The following ZMYND12 variants were observed in gnomAD, a reference collection of about 807,000 sequenced individuals.
The protein encoded by ZMYND12 is zinc finger MYND domain-containing protein 12.
Under a neutral mutation model 41.7 loss-of-function variants are expected in ZMYND12, and 32 were observed. The ratio of observed to expected loss-of-function variants is 0.77; its 90% CI spans 0.58 to 1.03. The LOEUF (loss-of-function observed/expected upper bound fraction) is 1.03, where lower values mean the gene tolerates loss of function less well. ZMYND12 is among the 50% of genes least tolerant of loss of function. The pLI, the probability that ZMYND12 is intolerant of heterozygous loss-of-function variation, is 0.00. For missense variants in ZMYND12, 424 were observed against 438.5 expected (o/e 0.97, Z 0.30); for synonymous variants, 148 against 164.8 (o/e 0.90, Z 0.78).
At chr1:42,454,879 C>G (rs994626679) in intron 1 of ZMYND12, among the ~76,000 whole-genome samples, 4 of 151,776 alleles carry the variant, frequency 2.6e-5, no homozygotes, top group Non-Finnish European at 5.9e-5. Context: ...AATTTTGACT[C>G]AACCTATAGT....
intron 6 of ZMYND12, 57 bp downstream of exon 6, chr1:42,435,217 C>T (rs1202835176): frequency 8.4e-6 from 11 of 1,315,912 alleles, no homozygotes; most frequent in Non-Finnish European, 1.1e-5. Context: ...GGGACAAGGT[C>T]TGTGTATTGG....
At chr1:42,451,752 A>C (rs1290014565) in intron 1 of ZMYND12, among the ~76,000 whole-genome samples, 1 of 152,232 alleles carries the variant, frequency 6.6e-6, no homozygotes, top group Non-Finnish European at 1.5e-5. Context: ...TAAACAGATC[A>C]ATAAAAGCAC....
At chr1:42,455,738 AC>A (rs1643161274) in intron 1 of ZMYND12, 149 bp downstream of exon 1, 1 of 598,108 alleles carries the variant, frequency 1.7e-6, no homozygotes, top group African/African-American at 1.9e-5. Context: ...AGACGAGGCC[AC>A]GGGAGTCTTA....
Position 42,449,995 on chromosome 1 carries a change from GAA to G in ZMYND12, c.173_174del (p.Ile58ThrfsTer31), listed in dbSNP as rs1417034260. ...TAGAAGGGCATGGAAGTGCGCAGTG[GAA>G]TCAAGAGCTGACATATTTTCTCATG... ...SIHEKICQLL[I>X]PLRTSMPFYN... is the part of the protein sequence containing the mutation. On this transcript the variant is annotated frameshift_variant, in exon 2 of 8. Coordinates refer to ENST00000372565, the MANE Select transcript of ZMYND12 (RefSeq NM_032257.5). LOFTEE classifies it high-confidence loss of function. 1 of 1,613,976 alleles carries G rather than the reference GAA, an allele frequency of 6.2e-7. No individual in the cohort carries two copies. The highest frequency in any genetic ancestry group is 1.3e-5 in the African/African-American group (1 of 75,040).
At chr1:42,453,766 G>A (rs1327452121) in intron 1 of ZMYND12, among the ~76,000 whole-genome samples, 1 of 152,132 alleles carries the variant, frequency 6.6e-6, no homozygotes, top group East Asian at 1.9e-4. Flanking sequence ...TGACCCAAAG[G>A]CCTCTTAAAC....
chr1:42,435,397 A>G lies in ZMYND12; in HGVS notation c.718-12T>C. 6.3e-7 allele frequency: 1 copy of G among 1,596,238 alleles called. No homozygotes were observed. The highest frequency in any genetic ancestry group is 8.6e-7 in the Non-Finnish European group (1 of 1,163,996). On this transcript the variant is annotated splice_polypyrimidine_tract_variant and intron_variant, in intron 5 of 7. Coordinates refer to ENST00000372565, the MANE Select transcript of ZMYND12 (RefSeq NM_032257.5). ...CAGATCTCAGAGACCTGTTGGGAAA[A>G]GAGATGGTAATACAACAAGCAGGCC...
At chr1:42,443,062 A>C (rs754703021) in intron 3 of ZMYND12, among the ~76,000 whole-genome samples, 4 of 152,170 alleles carry the variant, frequency 2.6e-5, no homozygotes, top group Non-Finnish European at 4.4e-5. Flanking sequence ...AAATATTGGA[A>C]ATTTAAAATT....
chr1:42,441,092 T>C (rs1642963114), intron 3 of ZMYND12, among the ~76,000 whole-genome samples: 1 of 152,160 alleles, frequency 6.6e-6, no homozygotes, highest in South Asian at 2.1e-4. Context: ...GGAATCAAAG[T>C]GCAACATGAA....
At chr1:42,441,852 C>A (rs1249268785) in intron 3 of ZMYND12, among the ~76,000 whole-genome samples, 2 of 152,152 alleles carry the variant, frequency 1.3e-5, no homozygotes, top group Non-Finnish European at 2.9e-5. Flanking sequence ...GATCTCCTGA[C>A]CTTGTGATCC....
At chr1:42,448,773 G>A (rs145216488) in intron 2 of ZMYND12, 135 bp from the exon 3 acceptor site, 8 of 779,292 alleles carry the variant, frequency 1.0e-5, no homozygotes, top group African/African-American at 1.8e-5. Context: ...GTATTAGAGT[G>A]GACGTGAAGC....
chr1:42,438,436 C>T (rs996720303), intron 4 of ZMYND12, among the ~76,000 whole-genome samples: 1 of 152,176 alleles, frequency 6.6e-6, no homozygotes, highest in African/African-American at 2.4e-5. Context: ...ACAAGGTTAC[C>T]AGGGCCCAGC....
chr1:42,439,347 C>A (rs554681548), intron 4 of ZMYND12, among the ~76,000 whole-genome samples: 11 of 151,558 alleles, frequency 7.3e-5, no homozygotes, highest in African/African-American at 2.4e-4. Flanking sequence ...CTCACTGCAA[C>A]CTCCACCTCC....
intron 3 of ZMYND12, among the ~76,000 whole-genome samples, chr1:42,441,572 T>A (rs1421516770): frequency 6.6e-6 from 1 of 152,122 alleles, no homozygotes; most frequent in Non-Finnish European, 1.5e-5. Flanking sequence ...TTGTTTACAT[T>A]TTTTCTTTTT....
chr1:42,440,049 T>C (rs757132634), intron 3 of ZMYND12, 24 bp from the exon 4 acceptor site: 10 of 1,574,624 alleles, frequency 6.4e-6, no homozygotes, highest in South Asian at 1.2e-5. Context: ...GAAAAGAAGG[T>C]TATAATTCAT....
Position 42,432,820 on chromosome 1 carries a change from CAG to C in ZMYND12, c.975+321_975+322del, listed in dbSNP as rs199589057. 2.4e-3 allele frequency: 624 copies of C among 257,806 alleles called. 3 individuals are homozygous for C. Among genetic ancestry groups the C allele is most frequent in the African/African-American group, 0.013 (584 of 44,194 alleles). The allele number at this position is 257,806 out of a possible 1,614,324, so 16.0% of individuals were successfully genotyped here. ...TGAATCCCCGCAGCAACAGGGAACT[CAG>C]TAACTGAGTGGAGTTAGAGCGGCTA... On this transcript the variant is annotated intron_variant, in intron 7 of 7. Transcript: ENST00000372565.
chr1:42,453,297 A>G (rs985440249), intron 1 of ZMYND12, among the ~76,000 whole-genome samples: 3 of 152,266 alleles, frequency 2.0e-5, no homozygotes, highest in Admixed American at 2.0e-4. Context: ...GATAATTTAT[A>G]CATGCATTTA....
Position 42,433,079 on chromosome 1 carries a change from T to C in ZMYND12, c.975+64A>G, listed in dbSNP as rs771829551. 3.1e-6 allele frequency: 5 copies of C among 1,595,084 alleles called. No homozygotes were observed. In the South Asian group the frequency reaches 3.4e-5, roughly 11 times the overall value. On this transcript the variant is annotated intron_variant, in intron 7 of 7. Coordinates refer to ENST00000372565, the MANE Select transcript of ZMYND12 (RefSeq NM_032257.5). ...ATTGGAATTGGGCAAAACACAAATT[T>C]TGAGTTCAACTAGTTGAATTTCTAC...
intron 3 of ZMYND12, among the ~76,000 whole-genome samples, chr1:42,445,021 G>A (rs376725465): frequency 6.6e-6 from 1 of 151,400 alleles, no homozygotes; most frequent in Non-Finnish European, 1.5e-5. Flanking sequence ...TGTTCGCCAG[G>A]ATGGTCTCGA....
intron 6 of ZMYND12, among the ~76,000 whole-genome samples, chr1:42,433,589 G>A (rs67294961): frequency 0.24 from 36,755 of 152,094 alleles, 4,634 homozygotes; most frequent in South Asian, 0.44. Context: ...CTCTTTCGGA[G>A]TCCTGAACTC....
Sources: allele counts gnomAD v4.1 joint callset (sites outside exome capture counted in the v4.1 genomes callset), GRCh38; gene constraint gnomAD v4.1.1; transcripts MANE v1.5; gene names NCBI Gene and HGNC (gene_info 2026-07-23, HGNC 2026-07-21).